Variants in DGKG observed in about 807,000 individuals in gnomAD.
DGKG encodes diacylglycerol kinase gamma.
A neutral mutation model predicts 105.3 loss-of-function variants in DGKG; 78 were observed. The ratio of observed to expected loss-of-function variants is 0.74; its 90% CI spans 0.62 to 0.89. The LOEUF (loss-of-function observed/expected upper bound fraction) is 0.89. Among genes scored for constraint, DGKG ranks in the 40% least tolerant of loss-of-function variants. The pLI is 0.00. For synonymous variants in DGKG, 346 were observed against 367.1 expected, an observed-to-expected ratio of 0.94 and a Z score of 0.66; for missense variants, 958 against 1,020.1, an observed-to-expected ratio of 0.94 and a Z score of 0.83.
intron 3 of DGKG, among the ~76,000 whole-genome samples, chr3:186,302,510 ATGTG>A (rs368896453): frequency 1.6e-3 from 32 of 19,860 alleles, no homozygotes; most frequent in South Asian, 8.3e-3. Context: ...ATATATACAT[ATGTG>A]TATATATATA....
chr3:186,259,564 C>A (rs1228493767), intron 16 of DGKG, among the ~76,000 whole-genome samples: 2 of 152,206 alleles, frequency 1.3e-5, no homozygotes, highest in Admixed American at 6.5e-5. Context: ...GTCAAATTCT[C>A]TTTTCAGAGT....
At chr3:186,286,862 C>T (rs555069003) in intron 6 of DGKG, among the ~76,000 whole-genome samples, 17 of 152,032 alleles carry the variant, frequency 1.1e-4, no homozygotes, top group South Asian at 4.2e-4. Context: ...GGTGAGACTC[C>T]GTATCTACCA....
chr3:186,229,381 C>G (rs779953243), intron 20 of DGKG, among the ~76,000 whole-genome samples: 3 of 151,974 alleles, frequency 2.0e-5, no homozygotes, highest in African/African-American at 7.3e-5. Context: ...GCTGGGATTA[C>G]AGGTGCCCAC....
At chr3:186,228,158 C>T (rs886479722) in intron 20 of DGKG, among the ~76,000 whole-genome samples, 1 of 152,136 alleles carries the variant, frequency 6.6e-6, no homozygotes, top group African/African-American at 2.4e-5. Flanking sequence ...TACTTCACAA[C>T]CAAATAGCAT....
chr3:186,262,211 C>T (rs1721811640), intron 14 of DGKG, among the ~76,000 whole-genome samples: 1 of 152,126 alleles, frequency 6.6e-6, no homozygotes, highest in Non-Finnish European at 1.5e-5. Context: ...CATTTCCGGC[C>T]CCAGTTTCCT....
rs186532047 is a variant in DGKG, at chr3:186,361,080, C to G, written c.-249+866G>C. ...GGGCGACTGGGGGAGGGGTCTCGACCGCCACCCTGAGTTCCGCAGCTCATC... is the reference window on the plus strand; with the variant it reads ...GGGCGACTGGGGGAGGGGTCTCGACGGCCACCCTGAGTTCCGCAGCTCATC... On this transcript the variant is annotated intron_variant, in intron 1 of 24. Coordinates refer to ENST00000265022, the MANE Select transcript of DGKG (RefSeq NM_001346.3). This position sits in a 1 kb window ranked among gnomAD's most constrained non-coding sequence, Gnocchi z 6.8. 3.5e-3 allele frequency among the ~76,000 whole-genome samples: 532 copies of G among 152,312 alleles called. 8 individuals carry two copies. The highest frequency in any genetic ancestry group is 0.011 in the East Asian group (55 of 5,172).
chr3:186,253,804 A>G (rs62289015), intron 17 of DGKG, among the ~76,000 whole-genome samples: 1 of 152,170 alleles, frequency 6.6e-6, no homozygotes, highest in Non-Finnish European at 1.5e-5. Context: ...GATTAGTAAA[A>G]CAGGTGGGGC....
At chr3:186,300,878 C>T (rs1723888215) in intron 3 of DGKG, among the ~76,000 whole-genome samples, 1 of 152,222 alleles carries the variant, frequency 6.6e-6, no homozygotes, top group Non-Finnish European at 1.5e-5. Context: ...CATTTCTCCC[C>T]TTTTTCCAAT....
chr3:186,257,811 T>A lies in DGKG; in HGVS notation c.1510+43A>T, dbSNP rs750907500. The A allele has an allele frequency of 2.6e-5, 38 of 1,463,996 alleles. No individual in the cohort carries two copies. The South Asian group carries it at 4.2e-4, about 16-fold the overall frequency. 90.7% of individuals were successfully genotyped at this position (1,463,996 alleles called of 1,614,324 possible). On this transcript the variant is annotated intron_variant, in intron 17 of 24. Coordinates refer to ENST00000265022, the MANE Select transcript of DGKG (RefSeq NM_001346.3). ...TGCCTTCTGCTGATTGTAAATACGC[T>A]TACTATAAATAAGCAGCAAACGCCC...
At chr3:186,196,203 T>C (rs1424133078) in intron 21 of DGKG, among the ~76,000 whole-genome samples, 6 of 151,138 alleles carry the variant, frequency 4.0e-5, no homozygotes, top group African/African-American at 1.5e-4. Flanking sequence ...AGTGGCGTGA[T>C]CTTGGCTCAC....
intron 20 of DGKG, among the ~76,000 whole-genome samples, chr3:186,224,868 C>T (rs552508384): frequency 3.3e-4 from 50 of 152,234 alleles, no homozygotes; most frequent in Non-Finnish European, 4.4e-5. Context: ...AGTTGAACCT[C>T]ATGGTAAGTC....
rs567469102 is a variant in DGKG at position 186,232,424 on chromosome 3, A to AT, written c.1826+10079dup. Among the ~76,000 whole-genome samples, 23 of 152,226 alleles carry AT rather than the reference A, an allele frequency of 1.5e-4. 1 individual carries two copies. The South Asian group carries it at 4.2e-3, about 27-fold the overall frequency. Reference sequence around the variant, plus strand: ...CTTGGAGGAGGGGATGCAAAATATGATTTTTTTTACAATGAGCCTGAATGA... The same window carrying AT: ...CTTGGAGGAGGGGATGCAAAATATGATTTTTTTTTACAATGAGCCTGAATGA... On this transcript the variant is annotated intron_variant, in intron 20 of 24. Transcript: ENST00000265022.
intron 14 of DGKG, among the ~76,000 whole-genome samples, chr3:186,262,547 T>G (rs1721826107): frequency 6.6e-6 from 1 of 152,210 alleles, no homozygotes; most frequent in South Asian, 2.1e-4. Flanking sequence ...CATACCACTC[T>G]TGCCCAAAAA....
intron 1 of DGKG, among the ~76,000 whole-genome samples, chr3:186,336,441 T>C (rs974937726): frequency 6.6e-6 from 1 of 152,176 alleles, no homozygotes; most frequent in Non-Finnish European, 1.5e-5. Flanking sequence ...TACAATTTGG[T>C]TAGAGCAATG....
chr3:186,341,074 C>A (rs1190337150), intron 1 of DGKG, among the ~76,000 whole-genome samples: 2 of 152,186 alleles, frequency 1.3e-5, no homozygotes, highest in Non-Finnish European at 2.9e-5. Flanking sequence ...TCCAAGTATT[C>A]AAGGTACTTT....
chr3:186,225,225 G>C (rs1049540598), intron 20 of DGKG, among the ~76,000 whole-genome samples: 2 of 151,756 alleles, frequency 1.3e-5, no homozygotes, highest in Non-Finnish European at 2.9e-5. Context: ...TCTCAGCTTC[G>C]CAAAGTGTAG....
At chr3:186,260,332 G>T in intron 16 of DGKG, 107 bp downstream of exon 16, 1 of 796,774 alleles carries the variant, frequency 1.3e-6, no homozygotes. Context: ...ATGGCAGGAA[G>T]GAACAAGTTG....
chr3:186,288,913 A>T, intron 5 of DGKG, 33 bp from the exon 6 acceptor site: 1 of 1,511,032 alleles, frequency 6.6e-7, no homozygotes, highest in Admixed American at 2.3e-5. Context: ...ATCCAAGGAC[A>T]TTTTCTGTTT....
chr3:186,277,607 T>C (rs1055660336), intron 9 of DGKG, among the ~76,000 whole-genome samples: 2 of 152,212 alleles, frequency 1.3e-5, no homozygotes, highest in Admixed American at 6.5e-5. Flanking sequence ...AGTAGCTAAG[T>C]CAGTTAGCTC....
Sources: allele counts gnomAD v4.1 joint callset (sites outside exome capture counted in the v4.1 genomes callset), GRCh38; gene constraint gnomAD v4.1.1; non-coding constraint Gnocchi (gnomAD v3.1); transcripts MANE v1.5; gene names NCBI Gene and HGNC (gene_info 2026-07-23, HGNC 2026-07-21).